Variants in PLXNC1 observed in about 807,000 individuals in gnomAD.
The protein encoded by PLXNC1 is plexin C1.
Under a neutral mutation model 178.2 loss-of-function variants are expected in PLXNC1, and 75 were observed. The ratio of observed to expected loss-of-function variants is 0.42; its 90% CI spans 0.35 to 0.51. The LOEUF (loss-of-function observed/expected upper bound fraction) is 0.51, where lower values mean the gene tolerates loss of function less well. PLXNC1 is among the 20% of genes least tolerant of loss of function. The pLI is 0.02. For missense variants in PLXNC1, 1,503 were observed against 1,984.4 expected (o/e 0.76, Z 4.61); for synonymous variants, 790 against 779.9 (o/e 1.01, Z -0.22).
Position 94,307,099 on chromosome 12 carries a change from A to AAGTATTTACTTAGATAAC in PLXNC1, c.*1824_*1825insTAGATAACAGTATTTACT. ...CAAAGGATCAGCTACAGCTTTATCT[A>AAGTATTTACTTAGATAAC]AGTATTTACTAAATGCTACATGAGG... On this transcript the variant is annotated 3_prime_UTR_variant, in exon 31 of 31. Coordinates refer to ENST00000258526, the MANE Select transcript of PLXNC1 (RefSeq NM_005761.3). 1 of 152,314 alleles carries AAGTATTTACTTAGATAAC rather than the reference A, an allele frequency of 6.6e-6. No homozygotes were observed. Among genetic ancestry groups the AAGTATTTACTTAGATAAC allele is most frequent in the African/African-American group, 2.4e-5 (1 of 41,562 alleles). 9.4% of individuals were successfully genotyped at this position (152,314 alleles called of 1,614,324 possible).
At chr12:94,281,515 T>C (rs1966439008) in intron 22 of PLXNC1, among the ~76,000 whole-genome samples, 1 of 152,180 alleles carries the variant, frequency 6.6e-6, no homozygotes, top group Non-Finnish European at 1.5e-5. Context: ...CTACAGATTG[T>C]ATTACTAGAC....
intron 5 of PLXNC1, among the ~76,000 whole-genome samples, chr12:94,211,348 C>T (rs1294879451): frequency 6.6e-6 from 1 of 152,236 alleles, no homozygotes; most frequent in East Asian, 1.9e-4. Context: ...TTGAAACCAA[C>T]TTCGGACTAA....
intron 23 of PLXNC1, 117 bp downstream of exon 23, chr12:94,282,518 C>T (rs962511040): frequency 5.8e-5 from 41 of 702,876 alleles, no homozygotes; most frequent in South Asian, 4.8e-4. Flanking sequence ...GCAGATCGAT[C>T]GTGTCTGGGG....
At chr12:94,218,750 C>G (rs1248480965) in intron 5 of PLXNC1, among the ~76,000 whole-genome samples, 1 of 152,090 alleles carries the variant, frequency 6.6e-6, no homozygotes, top group African/African-American at 2.4e-5. Flanking sequence ...TGTACACATA[C>G]AAACATACAC....
intron 23 of PLXNC1, among the ~76,000 whole-genome samples, chr12:94,293,922 G>C (rs1195316429): frequency 1.3e-5 from 2 of 151,970 alleles, no homozygotes; most frequent in East Asian, 3.9e-4. Flanking sequence ...GCCCAGCCCT[G>C]GTGTCTCTTC....
At chr12:94,304,224 C>A in intron 30 of PLXNC1, 173 bp downstream of exon 30, 1 of 526,868 alleles carries the variant, frequency 1.9e-6, no homozygotes, top group African/African-American at 1.9e-5. Context: ...TACATGGCTG[C>A]CCCCCTTACA....
At chr12:94,218,817 C>G (rs1304297591) in intron 5 of PLXNC1, among the ~76,000 whole-genome samples, 1 of 152,100 alleles carries the variant, frequency 6.6e-6, no homozygotes, top group East Asian at 1.9e-4. Flanking sequence ...CAAGCAAAAC[C>G]TTAACTAATT....
chr12:94,227,461 A>G, intron 9 of PLXNC1: 1 of 387,454 alleles, frequency 2.6e-6, no homozygotes, highest in Non-Finnish European at 4.7e-6. Flanking sequence ...ATGAAAAATG[A>G]TGTTGCTCTG....
chr12:94,284,659 G>C (rs1666735961), intron 23 of PLXNC1, among the ~76,000 whole-genome samples: 1 of 152,042 alleles, frequency 6.6e-6, no homozygotes, highest in African/African-American at 2.4e-5. Flanking sequence ...GGGAGGTCTG[G>C]TAACAGCTAG....
intron 7 of PLXNC1, 39 bp downstream of exon 7, chr12:94,224,354 T>A: frequency 9.2e-7 from 1 of 1,087,472 alleles, no homozygotes; most frequent in Non-Finnish European, 1.4e-6. Flanking sequence ...CTCTCGTTGA[T>A]CTTAATTTAC....
intron 3 of PLXNC1, among the ~76,000 whole-genome samples, chr12:94,184,575 A>G (rs1962444796): frequency 6.6e-6 from 1 of 151,412 alleles, no homozygotes; most frequent in African/African-American, 2.4e-5. Flanking sequence ...GACGCCCACC[A>G]CTATGCCCAG....
chr12:94,246,665 A>C (rs1287643579), intron 12 of PLXNC1, among the ~76,000 whole-genome samples: 1 of 152,214 alleles, frequency 6.6e-6, no homozygotes, highest in Admixed American at 6.5e-5. Flanking sequence ...TCCTTCTAGA[A>C]GGCATCTTCA....
chr12:94,254,024 A>G (rs151175149), intron 15 of PLXNC1, among the ~76,000 whole-genome samples: 262 of 152,316 alleles, frequency 1.7e-3, no homozygotes, highest in African/African-American at 6.0e-3. Context: ...ACAGTGGTTG[A>G]TTGTTGAATA....
At chr12:94,202,749 T>C (rs1963178498) in intron 4 of PLXNC1, among the ~76,000 whole-genome samples, 1 of 152,158 alleles carries the variant, frequency 6.6e-6, no homozygotes, top group African/African-American at 2.4e-5. Flanking sequence ...ATACCAGGGA[T>C]GGGTGTTTTT....
At chr12:94,156,906 G>A (rs1424822044) in intron 1 of PLXNC1, among the ~76,000 whole-genome samples, 3 of 151,824 alleles carry the variant, frequency 2.0e-5, no homozygotes, top group Non-Finnish European at 2.9e-5. Context: ...GTAAAGATGA[G>A]GTCTTGCTAT....
chr12:94,214,251 A>C (rs1963579213), intron 5 of PLXNC1, among the ~76,000 whole-genome samples: 1 of 151,774 alleles, frequency 6.6e-6, no homozygotes, highest in African/African-American at 2.4e-5. Flanking sequence ...CACCCAGCTA[A>C]TTTTTAAAAA....
chr12:94,151,759 T>C (rs1960967536), intron 1 of PLXNC1, among the ~76,000 whole-genome samples: 1 of 152,196 alleles, frequency 6.6e-6, no homozygotes. Context: ...AGCCAAAACA[T>C]TTCTCTTGAC....
In PLXNC1 at chr12:94,177,963, T is replaced by C. The variant is rs1201691798; in HGVS notation, c.1204-3483T>C. Among the ~76,000 whole-genome samples, 3 of 152,234 alleles carry C rather than the reference T, an allele frequency of 2.0e-5. No individual in the cohort carries two copies. The East Asian group carries it at 5.8e-4, about 29-fold the overall frequency. On this transcript the variant is annotated intron_variant, in intron 2 of 30. Transcript: ENST00000258526. ...TTAAATAATAGTAACCATAATGCCA[T>C]GATCACAGCTAATAAAATTATCAGT...
At chr12:94,172,732 A>ATTTGGGTACATTAT (rs1961893435) in intron 2 of PLXNC1, among the ~76,000 whole-genome samples, 1 of 152,154 alleles carries the variant, frequency 6.6e-6, no homozygotes, top group Non-Finnish European at 1.5e-5. Context: ...ATATTCTATT[A>ATTTGGGTACATTAT]TTTGGGTACA....
Sources: allele counts gnomAD v4.1 joint callset (sites outside exome capture counted in the v4.1 genomes callset), GRCh38; gene constraint gnomAD v4.1.1; transcripts MANE v1.5; gene names NCBI Gene and HGNC (gene_info 2026-07-23, HGNC 2026-07-21).